SNTB1: variants seen among roughly 807,000 people sequenced by gnomAD.
SNTB1 encodes beta-1-syntrophin.
Under a neutral mutation model 48.9 loss-of-function variants are expected in SNTB1, and 36 were observed. That is an observed-to-expected ratio of 0.74 (90% CI 0.56 to 0.97). The LOEUF is 0.97. Among genes scored for constraint, SNTB1 ranks in the 50% least tolerant of loss-of-function variants. SNTB1 has a pLI of 0.00. For synonymous variants in SNTB1, 299 were observed against 294.6 expected, an observed-to-expected ratio of 1.01 and a Z score of -0.15; for missense variants, 786 against 703.4, an observed-to-expected ratio of 1.12 and a Z score of -1.33.
intron 1 of SNTB1, among the ~76,000 whole-genome samples, chr8:120,795,415 G>T (rs1263257731): frequency 6.6e-6 from 1 of 152,014 alleles, no homozygotes; most frequent in Non-Finnish European, 1.5e-5. Flanking sequence ...AACAACCTTT[G>T]CCATTGCCCA....
intron 2 of SNTB1, among the ~76,000 whole-genome samples, chr8:120,688,329 T>G (rs751654573): frequency 2.0e-5 from 3 of 152,214 alleles, no homozygotes; most frequent in Non-Finnish European, 4.4e-5. Context: ...AGAACTATGC[T>G]TTTATTTATT....
rs775547135 is a variant in SNTB1 at position 120,581,088 on chromosome 8, CAA to C, written c.997-5865_997-5864del. On this transcript the variant is annotated intron_variant, in intron 3 of 6. Transcript: ENST00000517992. ...TGGGCAACAGAGTGAGACCCTGTCT[CAA>C]AAAAAAAAAAAAAAAAAGAGAAAGA... 8.7e-4 allele frequency among the ~76,000 whole-genome samples: 78 copies of C among 89,988 alleles called. 2 individuals carry two copies. The highest frequency in any genetic ancestry group is 1.9e-3 in the African/African-American group (50 of 26,900). The allele number at this position is 89,988 out of a possible 152,430, so 59.0% of individuals were successfully genotyped here. A position where few individuals can be genotyped will look rare whatever the true frequency, so the allele number is the denominator to read the frequency against.
intron 1 of SNTB1, among the ~76,000 whole-genome samples, chr8:120,767,394 AAC>A (rs1213637912): frequency 7.2e-5 from 11 of 152,362 alleles, no homozygotes; most frequent in Middle Eastern, 3.4e-3. Context: ...ATAATTGTAC[AAC>A]AGTGTATATA....
At chr8:120,793,419 C>T (rs991279274) in intron 1 of SNTB1, among the ~76,000 whole-genome samples, 5 of 152,002 alleles carry the variant, frequency 3.3e-5, no homozygotes, top group African/African-American at 1.2e-4. Context: ...TGGATTTTTC[C>T]ACAGCAGTTG....
At chr8:120,798,533 T>C (rs1235182727) in intron 1 of SNTB1, among the ~76,000 whole-genome samples, 2 of 152,082 alleles carry the variant, frequency 1.3e-5, no homozygotes, top group Non-Finnish European at 2.9e-5. Flanking sequence ...AATGTCACTA[T>C]CTCTGAAGTT....
At chr8:120,743,040 G>C (rs1819067108) in intron 1 of SNTB1, among the ~76,000 whole-genome samples, 1 of 152,204 alleles carries the variant, frequency 6.6e-6, no homozygotes, top group South Asian at 2.1e-4. Flanking sequence ...GTAAAGTGAG[G>C]TAGGAGTCTA....
intron 1 of SNTB1, among the ~76,000 whole-genome samples, chr8:120,756,234 T>C (rs1387924908): frequency 6.6e-6 from 1 of 152,216 alleles, no homozygotes; most frequent in African/African-American, 2.4e-5. Context: ...CATCTATTTA[T>C]ATTTGTTGTC....
intron 4 of SNTB1, among the ~76,000 whole-genome samples, chr8:120,566,613 G>A (rs1815752982): frequency 6.6e-6 from 1 of 152,196 alleles, no homozygotes; most frequent in South Asian, 2.1e-4. Context: ...AAGATGGGAG[G>A]CAGCAGCACA....
intron 4 of SNTB1, among the ~76,000 whole-genome samples, chr8:120,561,779 T>A (rs1815665000): frequency 6.6e-6 from 1 of 152,216 alleles, no homozygotes; most frequent in African/African-American, 2.4e-5. Context: ...AACACTCGGC[T>A]TTTCCTCTAT....
At chr8:120,792,957 A>G (rs1448434860) in intron 1 of SNTB1, among the ~76,000 whole-genome samples, 1 of 152,058 alleles carries the variant, frequency 6.6e-6, no homozygotes, top group Non-Finnish European at 1.5e-5. Context: ...CTCCACTGGA[A>G]GAAAAGAAAA....
At chr8:120,807,923 TA>T (rs1313895603) in intron 1 of SNTB1, among the ~76,000 whole-genome samples, 1 of 152,108 alleles carries the variant, frequency 6.6e-6, no homozygotes, top group African/African-American at 2.4e-5. Context: ...TTTATTTTTT[TA>T]TTTTTTTTGA....
At chr8:120,583,994 A>T (rs1816091570) in intron 3 of SNTB1, among the ~76,000 whole-genome samples, 1 of 152,210 alleles carries the variant, frequency 6.6e-6, no homozygotes, top group African/African-American at 2.4e-5. Context: ...GTAAGGACAA[A>T]ACCCAACATC....
rs116459873 is a variant in SNTB1, at chr8:120,756,049, G to A, written c.571+55224C>T. The stretch of plus-strand genomic sequence containing the variant: ...TCTCCATGGATTGCTATCTTTCAGA[G>A]GTACTGTGAAAGAGATGCCTACATT... On this transcript the variant is annotated intron_variant, in intron 1 of 6. Transcript: ENST00000517992. Among the ~76,000 whole-genome samples the A allele has an allele frequency of 7.9e-3, 1,209 of 152,232 alleles. 18 individuals carry two copies. Among genetic ancestry groups the A allele is most frequent in the African/African-American group, 0.028 (1,154 of 41,548 alleles).
chr8:120,643,663 G>A (rs935337533), intron 2 of SNTB1, among the ~76,000 whole-genome samples: 16 of 152,132 alleles, frequency 1.1e-4, no homozygotes, highest in African/African-American at 3.9e-4. Context: ...TCCACTCATT[G>A]GTTGATGGGC....
intron 4 of SNTB1, among the ~76,000 whole-genome samples, chr8:120,561,734 A>T (rs903932421): frequency 2.6e-5 from 4 of 152,214 alleles, no homozygotes; most frequent in African/African-American, 9.6e-5. Context: ...GAAAATTGAA[A>T]CCATGAACAA....
rs180965677 is a variant in SNTB1, at chr8:120,809,892, C to A, written c.571+1381G>T. 7.2e-5 allele frequency among the ~76,000 whole-genome samples: 11 copies of A among 152,238 alleles called. No homozygotes were observed. In the East Asian group the frequency reaches 1.5e-3, roughly 21 times the overall value. On this transcript the variant is annotated intron_variant, in intron 1 of 6. Transcript: ENST00000517992. The stretch of plus-strand genomic sequence containing the variant: ...GGGGAGGATTTCTCTGCATTGTGGG[C>A]CAGGAGGTGGACCGTGACATACCAG...
intron 2 of SNTB1, among the ~76,000 whole-genome samples, chr8:120,656,593 C>T (rs1357643172): frequency 6.6e-6 from 1 of 152,156 alleles, no homozygotes; most frequent in Non-Finnish European, 1.5e-5. Context: ...AGGTGCTATG[C>T]AGGGCAAATA....
At chr8:120,550,824 G>C (rs1482457089) in intron 4 of SNTB1, among the ~76,000 whole-genome samples, 2 of 152,144 alleles carry the variant, frequency 1.3e-5, no homozygotes, top group Non-Finnish European at 1.5e-5. Context: ...GGGAGTAAGG[G>C]TAAGGTAAAA....
At chr8:120,605,524 A>G (rs1414390547) in intron 3 of SNTB1, among the ~76,000 whole-genome samples, 3 of 152,204 alleles carry the variant, frequency 2.0e-5, no homozygotes, top group African/African-American at 7.2e-5. Flanking sequence ...GTTTCTTAAG[A>G]AGCCATGCTA....
Sources: allele counts gnomAD v4.1 joint callset (sites outside exome capture counted in the v4.1 genomes callset), GRCh38; gene constraint gnomAD v4.1.1; transcripts MANE v1.5; gene names NCBI Gene and HGNC (gene_info 2026-07-23, HGNC 2026-07-21).